Variants in PTPRK observed in about 807,000 individuals in gnomAD.
PTPRK encodes the protein receptor-type tyrosine-protein phosphatase kappa.
Under a neutral mutation model 178.0 loss-of-function variants are expected in PTPRK, and 75 were observed. The ratio of observed to expected loss-of-function variants is 0.42; its 90% CI spans 0.35 to 0.51. The LOEUF is 0.51. Ranked by LOEUF, PTPRK falls within the 20% of genes least tolerant of loss-of-function variation. The probability of loss-of-function intolerance (pLI) is 0.02; values close to 1 mark genes in which losing one functional copy is unlikely to be tolerated. For synonymous variants in PTPRK, 637 were observed against 620.6 expected (o/e 1.03, Z -0.39); for missense variants, 1,441 against 1,797.8 (o/e 0.80, Z 3.59).
At chr6:128,105,027 T>C (rs947958703) in intron 7 of PTPRK, among the ~76,000 whole-genome samples, 1 of 152,224 alleles carries the variant, frequency 6.6e-6, no homozygotes. Context: ...ATATTCATTT[T>C]TAATTGCCTT....
chr6:128,136,323 T>C (rs1263504622), intron 7 of PTPRK, among the ~76,000 whole-genome samples: 2 of 152,174 alleles, frequency 1.3e-5, no homozygotes, highest in Admixed American at 1.3e-4. Context: ...ATAAAACATC[T>C]GAGAAAAGCA....
intron 8 of PTPRK, among the ~76,000 whole-genome samples, chr6:128,086,108 C>T (rs1785763370): frequency 6.6e-6 from 1 of 152,076 alleles, no homozygotes; most frequent in Non-Finnish European, 1.5e-5. Flanking sequence ...TTAATGGAAA[C>T]AGAATGCTGA....
chr6:128,372,104 T>A (rs1836383088), intron 2 of PTPRK, among the ~76,000 whole-genome samples: 1 of 152,216 alleles, frequency 6.6e-6, no homozygotes, highest in Non-Finnish European at 1.5e-5. Context: ...TTACTGCTTT[T>A]TCTCTCACAT....
chr6:128,328,529 T>C (rs921542928), intron 2 of PTPRK, among the ~76,000 whole-genome samples: 1 of 152,182 alleles, frequency 6.6e-6, no homozygotes, highest in Non-Finnish European at 1.5e-5. Context: ...TTATGCTGCT[T>C]CCAAACATAA....
intron 2 of PTPRK, among the ~76,000 whole-genome samples, chr6:128,397,055 C>T (rs958661817): frequency 6.6e-6 from 1 of 152,120 alleles, no homozygotes; most frequent in African/African-American, 2.4e-5. Context: ...ATAATTCCCA[C>T]ATAAAAGATC....
intron 13 of PTPRK, among the ~76,000 whole-genome samples, chr6:128,062,987 T>C (rs1365235796): frequency 6.6e-6 from 1 of 152,186 alleles, no homozygotes; most frequent in Non-Finnish European, 1.5e-5. Flanking sequence ...CTATATATGT[T>C]ATTTTAATCC....
intron 3 of PTPRK, among the ~76,000 whole-genome samples, chr6:128,302,311 G>A (rs1165452578): frequency 7.0e-6 from 1 of 142,194 alleles, no homozygotes; most frequent in Admixed American, 7.6e-5. Flanking sequence ...AGAATGGTGT[G>A]AACCCAGGAG....
chr6:128,295,844 T>A (rs112971203), intron 3 of PTPRK, among the ~76,000 whole-genome samples: 1,978 of 152,190 alleles, frequency 0.013, 39 homozygotes, highest in African/African-American at 0.045. Context: ...CACCATAAAG[T>A]CACATAGCAC....
At chr6:128,511,559 G>C (rs1857195181) in intron 1 of PTPRK, among the ~76,000 whole-genome samples, 1 of 152,134 alleles carries the variant, frequency 6.6e-6, no homozygotes, top group Non-Finnish European at 1.5e-5. Context: ...AGAAGCTCCT[G>C]GAATACCCTA....
intron 2 of PTPRK, among the ~76,000 whole-genome samples, chr6:128,343,957 T>C (rs547040774): frequency 6.6e-6 from 1 of 152,308 alleles, no homozygotes; most frequent in African/African-American, 2.4e-5. Context: ...CATCAGAACT[T>C]ATAAGTTAAG....
intron 2 of PTPRK, among the ~76,000 whole-genome samples, chr6:128,353,035 C>T (rs1833405575): frequency 6.6e-6 from 1 of 151,976 alleles, no homozygotes; most frequent in Non-Finnish European, 1.5e-5. Flanking sequence ...AATAAAAGAA[C>T]ACTCAGCACT....
intron 13 of PTPRK, among the ~76,000 whole-genome samples, chr6:128,022,634 G>A (rs1773701208): frequency 6.6e-6 from 1 of 152,066 alleles, no homozygotes; most frequent in African/African-American, 2.4e-5. Context: ...TGAAGGGATC[G>A]CTGAGGCACC....
chr6:128,155,834 T>C (rs1355816038), intron 7 of PTPRK, among the ~76,000 whole-genome samples: 6 of 151,816 alleles, frequency 4.0e-5, no homozygotes, highest in Non-Finnish European at 7.4e-5. Context: ...CTCTAGTATA[T>C]ACCTGGTTCA....
intron 6 of PTPRK, among the ~76,000 whole-genome samples, chr6:128,189,603 C>T (rs1803408060): frequency 6.6e-6 from 1 of 152,104 alleles, no homozygotes; most frequent in South Asian, 2.1e-4. Flanking sequence ...TCATGTTTTA[C>T]AGGAGTCCAC....
chr6:128,502,911 C>A (rs1855765130), intron 1 of PTPRK, among the ~76,000 whole-genome samples: 1 of 152,016 alleles, frequency 6.6e-6, no homozygotes, highest in African/African-American at 2.4e-5. Flanking sequence ...AGTATTTATA[C>A]CATGGAAACT....
intron 1 of PTPRK, among the ~76,000 whole-genome samples, chr6:128,427,017 T>A (rs1398761330): frequency 6.6e-6 from 1 of 152,182 alleles, no homozygotes; most frequent in Non-Finnish European, 1.5e-5. Flanking sequence ...TGAATAAGTT[T>A]AAAGATTATG....
chr6:128,127,967 T>C (rs772906377), intron 7 of PTPRK, among the ~76,000 whole-genome samples: 25 of 152,180 alleles, frequency 1.6e-4, no homozygotes, highest in Non-Finnish European at 3.7e-4. Context: ...AAATGATGTG[T>C]ATTATTTATA....
intron 3 of PTPRK, among the ~76,000 whole-genome samples, chr6:128,296,266 G>A (rs899809618): frequency 5.9e-5 from 9 of 151,970 alleles, no homozygotes; most frequent in African/African-American, 9.7e-5. Context: ...ATATACCCTC[G>A]TCTTCTTCAC....
chr6:128,418,848 TTC>T (rs548943148), intron 1 of PTPRK, among the ~76,000 whole-genome samples: 181 of 152,316 alleles, frequency 1.2e-3, no homozygotes, highest in Non-Finnish European at 2.2e-3. Context: ...GTCTATATCA[TTC>T]TTTTTTTCCA....
Sources: gnomAD v4.1 joint callset for allele counts (sites outside exome capture counted in the v4.1 genomes callset) on GRCh38, gnomAD v4.1.1 for gene constraint, MANE v1.5 for transcripts, NCBI Gene and HGNC (gene_info 2026-07-23, HGNC 2026-07-21) for gene names.